Variants in CACNA1C observed in about 807,000 individuals in gnomAD.
The protein encoded by CACNA1C is voltage-dependent L-type calcium channel subunit alpha-1C.
In CACNA1C, 30 loss-of-function variants were observed where a neutral mutation model predicts 229.0. The ratio of observed to expected loss-of-function variants is 0.13; its 90% CI spans 0.10 to 0.18. The LOEUF (loss-of-function observed/expected upper bound fraction) is 0.18. Ranked by LOEUF, CACNA1C falls within the 10% of genes least tolerant of loss-of-function variation. The probability of loss-of-function intolerance (pLI) is 1.00; values close to 1 mark genes in which losing one functional copy is unlikely to be tolerated. For synonymous variants in CACNA1C, 1,114 were observed against 1,132.5 expected (o/e 0.98, Z 0.33); for missense variants, 1,658 against 2,845.0 (o/e 0.58, Z 9.49).
At chr12:2,272,123 G>A (rs2085321077) in intron 3 of CACNA1C, among the ~76,000 whole-genome samples, 1 of 152,142 alleles carries the variant, frequency 6.6e-6, no homozygotes, top group South Asian at 2.1e-4. Context: ...CAACCCCTCA[G>A]TGAGTTGCTT....
chr12:2,038,197 C>A (rs12308848), intron 1 of CACNA1C, among the ~76,000 whole-genome samples: 18,849 of 152,094 alleles, frequency 0.12, 1,285 homozygotes, highest in African/African-American at 0.16. Flanking sequence ...TTAGGATTTG[C>A]AGGGTTCTTT....
At chr12:2,542,987 A>G (rs997048845) in intron 9 of CACNA1C, among the ~76,000 whole-genome samples, 2 of 152,192 alleles carry the variant, frequency 1.3e-5, no homozygotes, top group Admixed American at 6.5e-5. Context: ...CAGAATACAG[A>G]CTGGTCATTT....
intron 1 of CACNA1C, among the ~76,000 whole-genome samples, chr12:2,100,301 C>G (rs1056352615): frequency 2.0e-5 from 3 of 151,568 alleles, no homozygotes; most frequent in Non-Finnish European, 4.4e-5. Flanking sequence ...CAAAAATTAG[C>G]TGGGTGTGGT....
intron 3 of CACNA1C, among the ~76,000 whole-genome samples, chr12:2,431,428 A>G (rs1457083987): frequency 6.6e-6 from 1 of 152,186 alleles, no homozygotes; most frequent in Non-Finnish European, 1.5e-5. Context: ...CTGGCTTCCA[A>G]GATGATGCTC....
rs117244626 is a variant in CACNA1C, at chr12:2,593,533, C to T, written c.2663+188C>T. Among the ~76,000 whole-genome samples the T allele has an allele frequency of 0.015, 2,260 of 152,330 alleles. 26 individuals are homozygous for T. Among genetic ancestry groups the T allele is most frequent in the Non-Finnish European group, 0.025 (1,688 of 68,018 alleles). On this transcript the variant is annotated intron_variant, in intron 19 of 46. Coordinates refer to ENST00000399655, the MANE Select transcript of CACNA1C (RefSeq NM_000719.7). ...TCAGAAGACTTGTGTTTATTTTTCT[C>T]TCCACTTTTTGAAATGTTTAAACTC...
intron 1 of CACNA1C, among the ~76,000 whole-genome samples, chr12:2,105,368 C>A (rs182992298): frequency 9.2e-5 from 14 of 152,248 alleles, no homozygotes; most frequent in Admixed American, 2.0e-4. Context: ...CTCACGGTCT[C>A]CTTGTTTTGG....
intron 3 of CACNA1C, among the ~76,000 whole-genome samples, chr12:2,124,143 T>C (rs1233065955): frequency 7.7e-6 from 1 of 129,578 alleles, no homozygotes; most frequent in African/African-American, 2.8e-5. Context: ...TGTGTGTGTG[T>C]GTGTGTGCAG....
At chr12:2,426,297 A>T (rs1257454329) in intron 3 of CACNA1C, among the ~76,000 whole-genome samples, 1 of 152,236 alleles carries the variant, frequency 6.6e-6, no homozygotes, top group Non-Finnish European at 1.5e-5. Flanking sequence ...TCTGAAGTTA[A>T]TATTATCAGA....
At chr12:2,622,283 C>A (rs1220548685) in intron 29 of CACNA1C, among the ~76,000 whole-genome samples, 1 of 152,184 alleles carries the variant, frequency 6.6e-6, no homozygotes, top group African/African-American at 2.4e-5. Context: ...TGTGTGCAGG[C>A]CCTTCAGGAC....
chr12:1,975,432 T>C (rs1383342979), intron 1 of CACNA1C, among the ~76,000 whole-genome samples: 1 of 152,164 alleles, frequency 6.6e-6, no homozygotes, highest in East Asian at 1.9e-4. Flanking sequence ...ATTAGTAATA[T>C]AAAACACAGA....
At chr12:2,535,575 G>A (rs1246665876) in intron 9 of CACNA1C, among the ~76,000 whole-genome samples, 8 of 150,608 alleles carry the variant, frequency 5.3e-5, no homozygotes, top group South Asian at 2.1e-4. Flanking sequence ...GTGTGGTTGT[G>A]TGGGCCTGTA....
chr12:2,662,585 C>T (rs1404006018), intron 34 of CACNA1C, among the ~76,000 whole-genome samples: 1 of 152,156 alleles, frequency 6.6e-6, no homozygotes, highest in Admixed American at 6.5e-5. Flanking sequence ...CATCTCAGTG[C>T]AATTCTAATA....
rs556723969 is a variant in CACNA1C, at chr12:2,681,771, G to A, written c.5445-779G>A. 3.5e-4 allele frequency among the ~76,000 whole-genome samples: 53 copies of A among 152,300 alleles called. No individual in the cohort carries two copies. The South Asian group carries it at 0.011, about 31-fold the overall frequency. On this transcript the variant is annotated intron_variant, in intron 42 of 46. Coordinates refer to ENST00000399655, the MANE Select transcript of CACNA1C (RefSeq NM_000719.7). ...GAGCCAGGGCACTGATTTAGCACTC[G>A]GCTCTGAGAGGATGGACCAGGATCT... is the stretch of plus-strand genomic sequence containing the variant.
intron 3 of CACNA1C, among the ~76,000 whole-genome samples, chr12:2,442,207 G>A (rs182559795): frequency 2.6e-5 from 4 of 152,308 alleles, no homozygotes; most frequent in Admixed American, 6.5e-5. Flanking sequence ...ATATACGTGA[G>A]AAGATAAATT....
At position 2,597,282 on chromosome 12, in the gene CACNA1C, C is replaced by A; in HGVS notation, c.2846C>A (p.Ala949Asp). The A allele has an allele frequency of 1.2e-6, 2 of 1,610,554 alleles. No homozygotes were observed. The highest frequency in any genetic ancestry group is 4.5e-5 in the East Asian group (2 of 44,840). The change falls in exon 21 of 47, where the codon GCT becomes GAT. Residue 949 changes from alanine to aspartate, a missense_variant. Ala to Asp is a moderately radical substitution (Grantham distance 126). Transcript: ENST00000399655. This position sits in a 1 kb window ranked among gnomAD's most constrained non-coding sequence, Gnocchi z 4.3. ...VFTTIFTIEIALKMTAYGAFL... is the reference protein window; with the variant it reads ...VFTTIFTIEIDLKMTAYGAFL... ...ACCACCATTTTCACCATTGAAATTG[C>A]TCTGAAGGTAAAGCCCCCATCCCCT...
At position 2,693,777 on chromosome 12, in the gene CACNA1C, T is replaced by TG. The variant is rs1236251786; in HGVS notation, c.*2582dup. The TG allele has an allele frequency of 3.3e-5, 5 of 152,208 alleles. No homozygotes were observed. Among genetic ancestry groups the TG allele is most frequent in the Admixed American group, 2.6e-4 (4 of 15,276 alleles). 9.4% of individuals were successfully genotyped at this position (152,208 alleles called of 1,614,324 possible). ...AGTGGTGGCTGAAAAGGGACTGCTT[T>TG]GGGGAAAACAGGACCCAACCATTCA... On this transcript the variant is annotated 3_prime_UTR_variant, in exon 47 of 47. Coordinates refer to ENST00000399655, the MANE Select transcript of CACNA1C (RefSeq NM_000719.7).
chr12:2,355,901 C>T (rs959658005), intron 3 of CACNA1C, among the ~76,000 whole-genome samples: 3 of 152,164 alleles, frequency 2.0e-5, no homozygotes, highest in Non-Finnish European at 4.4e-5. Flanking sequence ...TACAAGCCTC[C>T]GTGTCTGTTC....
intron 3 of CACNA1C, among the ~76,000 whole-genome samples, chr12:2,396,207 G>A (rs933336652): frequency 2.6e-5 from 4 of 152,104 alleles, no homozygotes; most frequent in Non-Finnish European, 5.9e-5. Context: ...GTGCCAAGTT[G>A]TGTATCTTTC....
chr12:2,533,471 A>G (rs2154585089), intron 9 of CACNA1C, among the ~76,000 whole-genome samples: 1 of 152,324 alleles, frequency 6.6e-6, no homozygotes, highest in African/African-American at 2.4e-5. Flanking sequence ...CAAAAGCTGA[A>G]TTTGGGGTGT....
Sources: allele counts gnomAD v4.1 joint callset (sites outside exome capture counted in the v4.1 genomes callset), GRCh38; gene constraint gnomAD v4.1.1; non-coding constraint Gnocchi (gnomAD v3.1); transcripts MANE v1.5; gene names NCBI Gene and HGNC (gene_info 2026-07-23, HGNC 2026-07-21).